MLC1: variants seen among roughly 807,000 people sequenced by gnomAD.
The protein encoded by MLC1 is membrane protein MLC1.
MLC1 carries 32 observed loss-of-function variants against 44.7 expected under a neutral mutation model. That is an observed-to-expected ratio of 0.72 (90% confidence interval 0.54 to 0.96). MLC1 has a LOEUF of 0.96. Ranked by LOEUF, MLC1 falls within the 40% of genes least tolerant of loss-of-function variation. MLC1 has a pLI of 0.00. For missense variants in MLC1, 459 were observed against 492.2 expected (o/e 0.93, Z 0.64); for synonymous variants, 190 against 213.0 (o/e 0.89, Z 0.94).
At position 50,068,460 on chromosome 22, in the gene MLC1, C is replaced by A. The variant is rs1349677487; in HGVS notation, c.867G>T (p.Met289Ile). 1.3e-5 allele frequency: 21 copies of A among 1,613,716 alleles called. No individual in the cohort carries two copies. Among genetic ancestry groups the A allele is most frequent in the Non-Finnish European group, 1.6e-5 (19 of 1,179,860 alleles). Residue 289 changes from methionine to isoleucine, a missense_variant, in exon 10 of 12, where the codon ATG (methionine) becomes ATT (isoleucine). Physicochemically the swap from Met to Ile is conservative, Grantham distance 10. Coordinates refer to ENST00000311597, the MANE Select transcript of MLC1 (RefSeq NM_015166.4). ...TTATGGCTGGCGGGTAATCCTTAAA[C>A]ATCTCCACGATTCTCATGATGCTGA... ...LSFSIMRIVE[M>I]FKDYPPAIKP...
At chr22:50,072,490 A>AG (rs2061877278) in intron 8 of MLC1, among the ~76,000 whole-genome samples, 1 of 152,100 alleles carries the variant, frequency 6.6e-6, no homozygotes, top group African/African-American at 2.4e-5. Flanking sequence ...GGGTGGATTT[A>AG]GGGGCGCCCA....
intron 11 of MLC1, 52 bp downstream of exon 11, chr22:50,063,982 C>A: frequency 6.5e-7 from 1 of 1,533,924 alleles, no homozygotes. Context: ...GGCTGGGCAC[C>A]CCCGTGGGCC....
rs1569250852 is a variant in MLC1, at chr22:50,081,029, G to GAAAGAAAGAAAGAAAGAAAGAAAGAA, written c.268-658_268-633dup. On this transcript the variant is annotated intron_variant, in intron 3 of 11. Coordinates refer to ENST00000311597, the MANE Select transcript of MLC1 (RefSeq NM_015166.4). ...TCAAAAAAAGAAAGAAAGAAAGAAAGAAAGAAAGAAAGAAAGAAAGAAAGA... is the reference window on the plus strand; with the variant it reads ...TCAAAAAAAGAAAGAAAGAAAGAAAGAAAGAAAGAAAGAAAGAAAGAAAGAAAAAGAAAGAAAGAAAGAAAGAAAGA... 4.1e-5 allele frequency among the ~76,000 whole-genome samples: 6 copies of GAAAGAAAGAAAGAAAGAAAGAAAGAA among 146,072 alleles called. No homozygotes were observed. The East Asian group carries it at 5.9e-4, about 14-fold the overall frequency.
chr22:50,074,172 G>A (rs757955594), intron 8 of MLC1, 44 bp downstream of exon 8: 5 of 1,498,018 alleles, frequency 3.3e-6, no homozygotes, highest in Non-Finnish European at 2.8e-6. Context: ...GATCTGAGCA[G>A]TGTGGCCCAG....
Position 50,076,731 on chromosome 22 carries a change from G to A in MLC1, c.597+110C>T, listed in dbSNP as rs1194443401. 3.3e-5 allele frequency: 38 copies of A among 1,154,044 alleles called. No homozygotes were observed. In the South Asian group the frequency reaches 4.3e-4, roughly 13 times the overall value. 71.5% of individuals were successfully genotyped at this position (1,154,044 alleles called of 1,614,324 possible). A position where few individuals can be genotyped will look rare whatever the true frequency, so the allele number is the denominator to read the frequency against. ...GATGAGGCGCACGCCGCCATGCGGT[G>A]TAGACAGCCAACTCTTCGCCAACTC... On this transcript the variant is annotated intron_variant, in intron 7 of 11. Transcript: ENST00000311597.
At chr22:50,073,388 G>C (rs1018473964) in intron 8 of MLC1, among the ~76,000 whole-genome samples, 3 of 152,240 alleles carry the variant, frequency 2.0e-5, no homozygotes, top group Admixed American at 6.5e-5. Context: ...CAGGTGGGTG[G>C]TGGCTCTGGG....
chr22:50,062,652 G>A (rs1229091932), intron 11 of MLC1, among the ~76,000 whole-genome samples: 4 of 152,264 alleles, frequency 2.6e-5, no homozygotes, highest in African/African-American at 9.6e-5. Flanking sequence ...CCGGTGGTGT[G>A]CTGAACACAG....
intron 7 of MLC1, among the ~76,000 whole-genome samples, chr22:50,074,958 C>G (rs551382387): frequency 1.3e-5 from 2 of 152,226 alleles, no homozygotes; most frequent in African/African-American, 4.8e-5. Flanking sequence ...AGGCACCTGC[C>G]GGTTGGAGAG....
intron 9 of MLC1, among the ~76,000 whole-genome samples, chr22:50,069,043 T>C (rs1939658526): frequency 6.7e-6 from 1 of 148,862 alleles, no homozygotes; most frequent in Non-Finnish European, 1.5e-5. Context: ...TCTTTCTTTT[T>C]TGAGAGGCAG....
intron 11 of MLC1, 131 bp downstream of exon 11, chr22:50,063,896 ACCTCCCC>A: frequency 1.3e-6 from 1 of 761,850 alleles, no homozygotes; most frequent in Non-Finnish European, 1.8e-6. Context: ...CAGGCCACTC[ACCTCCCC>A]GGCTGGGCAC....
chr22:50,083,154 G>A lies in MLC1; in HGVS notation c.197C>T (p.Ser66Leu), dbSNP rs376812050. 21 of 1,613,890 alleles carry A rather than the reference G, an allele frequency of 1.3e-5. No individual in the cohort carries two copies. The highest frequency in any genetic ancestry group is 2.2e-5 in the East Asian group (1 of 44,894). ...VLMGSCLLVT[S>L]GFSLYLGNVF... is the part of the protein sequence containing the mutation. ...GTTCCCCAGGTACAGCGAAAACCCC[G>A]AGGTCACCAGGAGGCAGCTCTGCAA... Residue 66 changes from serine (S) to leucine (L), a missense_variant, in exon 3 of 12, where the codon TCG (serine) becomes TTG (leucine). Physicochemically the swap from Ser to Leu is moderately radical, Grantham distance 145. Coordinates refer to ENST00000311597, the MANE Select transcript of MLC1 (RefSeq NM_015166.4). This position sits in a 1 kb window ranked among gnomAD's most constrained non-coding sequence, Gnocchi z 4.6.
At chr22:50,062,692 G>A (rs371557522) in intron 11 of MLC1, among the ~76,000 whole-genome samples, 37 of 152,384 alleles carry the variant, frequency 2.4e-4, no homozygotes, top group African/African-American at 7.7e-4. Context: ...CAAGAGCAGC[G>A]GCCGGTCCGC....
At chr22:50,074,414 C>T in intron 7 of MLC1, 82 bp from the exon 8 acceptor site, 2 of 1,256,366 alleles carry the variant, frequency 1.6e-6, no homozygotes, top group Non-Finnish European at 2.3e-6. Flanking sequence ...AGACATGGAC[C>T]CCCAGGAGCA....
In MLC1 at chr22:50,084,739, G is replaced by A; in HGVS notation, c.164C>T (p.Ser55Phe). The A allele has an allele frequency of 6.2e-7, 1 of 1,614,104 alleles. No homozygotes were observed. The highest frequency in any genetic ancestry group is 1.1e-5 in the South Asian group (1 of 91,084). The change falls in exon 2 of 12, where the codon TCT becomes TTT. Residue 55 changes from serine (S) to phenylalanine (F), a missense_variant. Coordinates refer to ENST00000311597, the MANE Select transcript of MLC1 (RefSeq NM_015166.4). ...PCFSHKTWVF[S>F]VLMGSCLLVT... Reference sequence around the variant, plus strand: ...GGAGCTACTCACCCCCATCAGCACAGAGAAGACCCACGTCTTGTGGCTGAA... The same window carrying A: ...GGAGCTACTCACCCCCATCAGCACAAAGAAGACCCACGTCTTGTGGCTGAA...
At chr22:50,082,262 G>A (rs2062164190) in intron 3 of MLC1, among the ~76,000 whole-genome samples, 1 of 148,742 alleles carries the variant, frequency 6.7e-6, no homozygotes, top group Non-Finnish European at 1.5e-5. Context: ...AGAGGGGCAT[G>A]GGGTCCATGG....
intron 10 of MLC1, among the ~76,000 whole-genome samples, chr22:50,064,439 C>T (rs1056270644): frequency 2.0e-5 from 3 of 152,204 alleles, no homozygotes; most frequent in African/African-American, 4.8e-5. Flanking sequence ...TAAAAGTGAC[C>T]GAGCCACTGC....
chr22:50,072,503 G>A (rs1220679663), intron 8 of MLC1, among the ~76,000 whole-genome samples: 1 of 152,194 alleles, frequency 6.6e-6, no homozygotes, highest in Non-Finnish European at 1.5e-5. Context: ...GGCGCCCAGG[G>A]GGCAGCACCT....
chr22:50,080,333 G>C lies in MLC1; in HGVS notation c.321+11C>G. 1 of 1,604,430 alleles carries C rather than the reference G, an allele frequency of 6.2e-7. No individual in the cohort carries two copies. Among genetic ancestry groups the C allele is most frequent in the Non-Finnish European group, 8.5e-7 (1 of 1,175,494 alleles). On this transcript the variant is annotated intron_variant, in intron 4 of 11. Transcript: ENST00000311597. ...TCTCCCTGGCAGAGGCTGCCTGCAAGCTAGACTCACCACATTGGCGTTCCT... is the reference window on the plus strand; with the variant it reads ...TCTCCCTGGCAGAGGCTGCCTGCAACCTAGACTCACCACATTGGCGTTCCT...
intron 5 of MLC1, among the ~76,000 whole-genome samples, chr22:50,078,996 G>A (rs773308401): frequency 1.7e-4 from 26 of 151,808 alleles, no homozygotes; most frequent in South Asian, 6.2e-4. Context: ...ATAAAGAAGC[G>A]TCACAGGCCG....
Sources: allele counts gnomAD v4.1 joint callset (sites outside exome capture counted in the v4.1 genomes callset), GRCh38; gene constraint gnomAD v4.1.1; non-coding constraint Gnocchi (gnomAD v3.1); transcripts MANE v1.5; gene names NCBI Gene and HGNC (gene_info 2026-07-23, HGNC 2026-07-21).